The following ATF6 variants were observed in gnomAD, a reference collection of about 807,000 sequenced individuals.
ATF6 encodes activating transcription factor 6, also known as cyclic AMP-dependent transcription factor ATF-6 alpha.
In ATF6, 53 loss-of-function variants were observed where a neutral mutation model predicts 83.6. The observed-to-expected ratio is 0.63, with a 90% CI of 0.51 to 0.80. ATF6 has a LOEUF of 0.80. ATF6 is among the 30% of genes least tolerant of loss of function. The pLI, the probability that ATF6 is intolerant of heterozygous loss-of-function variation, is 0.00. For synonymous variants in ATF6, 288 were observed against 285.8 expected, an observed-to-expected ratio of 1.01 and a Z score of -0.08; for missense variants, 744 against 797.9, an observed-to-expected ratio of 0.93 and a Z score of 0.81.
At chr1:161,833,367 C>T (rs537635628) in intron 9 of ATF6, among the ~76,000 whole-genome samples, 42 of 152,288 alleles carry the variant, frequency 2.8e-4, no homozygotes, top group African/African-American at 6.5e-4. Flanking sequence ...TCCAAAGGAA[C>T]GCAGCTCCTC....
At chr1:161,843,451 G>A (rs1308653493) in intron 9 of ATF6, among the ~76,000 whole-genome samples, 2 of 152,138 alleles carry the variant, frequency 1.3e-5, no homozygotes, top group African/African-American at 2.4e-5. Flanking sequence ...ATAAATTAAT[G>A]GATGAATCAT....
In ATF6 at chr1:161,776,078, T is replaced by G. The variant is rs527596125; in HGVS notation, c.83-2166T>G. ...TAGGATTCTTTTAGTCTCCCGACTC[T>G]TTCCATGCTCTTAAATCCTTTCTCA... On this transcript the variant is annotated intron_variant, in intron 1 of 15. Coordinates refer to ENST00000367942, the MANE Select transcript of ATF6 (RefSeq NM_007348.4). Among the ~76,000 whole-genome samples the G allele has an allele frequency of 1.4e-4, 21 of 152,342 alleles. No individual in the cohort carries two copies. In the South Asian group the frequency reaches 4.1e-3, roughly 30 times the overall value.
intron 9 of ATF6, among the ~76,000 whole-genome samples, chr1:161,826,212 G>A (rs777550319): frequency 1.1e-4 from 17 of 152,180 alleles, no homozygotes; most frequent in Non-Finnish European, 2.1e-4. Context: ...TGACAGTGGG[G>A]TTAGGGGGGA....
intron 15 of ATF6, among the ~76,000 whole-genome samples, chr1:161,915,276 T>C (rs528880581): frequency 6.6e-6 from 1 of 152,358 alleles, no homozygotes; most frequent in African/African-American, 2.4e-5. Context: ...ACTTGCTGGA[T>C]ATGTATCATT....
intron 6 of ATF6, among the ~76,000 whole-genome samples, chr1:161,794,759 G>A (rs1684972832): frequency 6.6e-6 from 1 of 152,140 alleles, no homozygotes; most frequent in Admixed American, 6.6e-5. Flanking sequence ...AACAACTTAT[G>A]CCTACTTCTA....
At chr1:161,771,331 A>G (rs1025897225) in intron 1 of ATF6, among the ~76,000 whole-genome samples, 1 of 152,086 alleles carries the variant, frequency 6.6e-6, no homozygotes, top group African/African-American at 2.4e-5. Context: ...TTATGTCTTC[A>G]GTCTCTTCTG....
chr1:161,831,766 G>A (rs181761989), intron 9 of ATF6, among the ~76,000 whole-genome samples: 1,457 of 143,086 alleles, frequency 0.01, 8 homozygotes, highest in South Asian at 0.019. Context: ...GGATACAGGA[G>A]GGGGAACATC....
intron 10 of ATF6, among the ~76,000 whole-genome samples, chr1:161,849,706 A>G (rs913145428): frequency 1.1e-5 from 1 of 89,646 alleles, no homozygotes; most frequent in Non-Finnish European, 1.9e-5. Flanking sequence ...TGACTCATCT[A>G]TAATTTCATG....
chr1:161,954,300 A>G (rs1406972657), intron 15 of ATF6, among the ~76,000 whole-genome samples: 1 of 152,150 alleles, frequency 6.6e-6, no homozygotes, highest in East Asian at 1.9e-4. Context: ...CTCGTGGTCC[A>G]TGAGTGAGTG....
At position 161,947,810 on chromosome 1, in the gene ATF6, C is replaced by CTTTTTTTTTTTTTTTTTTTTT. The variant is rs10524670; in HGVS notation, c.1805-10625_1805-10605dup. Among the ~76,000 whole-genome samples the CTTTTTTTTTTTTTTTTTTTTT allele has an allele frequency of 8.7e-5, 5 of 57,548 alleles. 1 individual carries two copies. Among genetic ancestry groups the CTTTTTTTTTTTTTTTTTTTTT allele is most frequent in the African/African-American group, 3.4e-4 (4 of 11,700 alleles). 37.8% of individuals were successfully genotyped at this position (57,548 alleles called of 152,430 possible). Reference sequence around the variant, plus strand: ...ATATTCCATAGTCCTTAAGCCACGCCTTTTTTTTTTTTTTTTTTTTTTTTT... The same window carrying CTTTTTTTTTTTTTTTTTTTTT: ...ATATTCCATAGTCCTTAAGCCACGCCTTTTTTTTTTTTTTTTTTTTTTTTTTTTTTTTTTTTTTTTTTTTTT... On this transcript the variant is annotated intron_variant, in intron 15 of 15. Coordinates refer to ENST00000367942, the MANE Select transcript of ATF6 (RefSeq NM_007348.4).
chr1:161,838,428 G>A (rs1686274567), intron 9 of ATF6, among the ~76,000 whole-genome samples: 1 of 152,194 alleles, frequency 6.6e-6, no homozygotes, highest in South Asian at 2.1e-4. Context: ...ATTGGGCAGA[G>A]TTCAGGACAG....
chr1:161,786,877 T>G (rs1684759548), intron 4 of ATF6, among the ~76,000 whole-genome samples: 1 of 152,210 alleles, frequency 6.6e-6, no homozygotes, highest in African/African-American at 2.4e-5. Context: ...CAGTTCAGAA[T>G]CAAGCATTGC....
At chr1:161,881,222 T>TGGGTC (rs961110724) in intron 14 of ATF6, among the ~76,000 whole-genome samples, 3 of 152,148 alleles carry the variant, frequency 2.0e-5, no homozygotes, top group African/African-American at 7.2e-5. Flanking sequence ...ATAGATTTGC[T>TGGGTC]GGGTCTTCTA....
At chr1:161,941,987 G>T (rs1688655524) in intron 15 of ATF6, among the ~76,000 whole-genome samples, 1 of 151,478 alleles carries the variant, frequency 6.6e-6, no homozygotes. Flanking sequence ...GGGGTGGGGG[G>T]GTTTTGTTTG....
At chr1:161,892,075 G>C (rs907489713) in intron 14 of ATF6, 4 of 152,118 alleles carry the variant, frequency 2.6e-5, no homozygotes, top group Admixed American at 2.0e-4. Context: ...TTACAGAAAT[G>C]CTCCTTTTAC....
chr1:161,796,825 G>A (rs1224504352), intron 6 of ATF6, among the ~76,000 whole-genome samples: 1 of 152,010 alleles, frequency 6.6e-6, no homozygotes, highest in Admixed American at 6.6e-5. Flanking sequence ...GTGAGAGATG[G>A]TTTGACTTCC....
chr1:161,913,919 A>C (rs1226657927), intron 15 of ATF6, among the ~76,000 whole-genome samples: 1 of 152,226 alleles, frequency 6.6e-6, no homozygotes, highest in Non-Finnish European at 1.5e-5. Context: ...CTTATTTTGT[A>C]ACAGTGAGCT....
rs779194228 is a variant in ATF6 at position 161,958,619 on chromosome 1, C to G, written c.1978C>G (p.His660Asp). The G allele has an allele frequency of 6.2e-7, 1 of 1,613,734 alleles. No individual in the cohort carries two copies. The highest frequency in any genetic ancestry group is 1.1e-5 in the South Asian group (1 of 91,016). The change falls in exon 16 of 16, where the codon CAC becomes GAC. Residue 660 changes from histidine to aspartate, a missense_variant. Coordinates refer to ENST00000367942, the MANE Select transcript of ATF6 (RefSeq NM_007348.4). ...GSPPAATEATHVVSTIPESLQ is the reference protein window; with the variant it reads ...GSPPAATEATDVVSTIPESLQ The stretch of plus-strand genomic sequence containing the variant: ...CCCTCCCGCAGCCACAGAGGCAACC[C>G]ACGTTGTCAGCACCATCCCTGAGTC...
intron 2 of ATF6, among the ~76,000 whole-genome samples, chr1:161,780,328 T>C (rs1388965263): frequency 6.6e-6 from 1 of 152,154 alleles, no homozygotes; most frequent in African/African-American, 2.4e-5. Flanking sequence ...TACCAATTAC[T>C]AGATACATTT....
Sources: gnomAD v4.1 joint callset for allele counts (sites outside exome capture counted in the v4.1 genomes callset) on GRCh38, gnomAD v4.1.1 for gene constraint, MANE v1.5 for transcripts, NCBI Gene and HGNC (gene_info 2026-07-23, HGNC 2026-07-21) for gene names.